The following ELP4 variants were observed in gnomAD, a reference collection of about 807,000 sequenced individuals.
ELP4 encodes elongator complex protein 4.
A neutral mutation model predicts 48.9 loss-of-function variants in ELP4; 51 were observed. The ratio of observed to expected loss-of-function variants is 1.04; its 90% CI spans 0.83 to 1.32. The LOEUF (loss-of-function observed/expected upper bound fraction) is 1.32, where lower values mean the gene tolerates loss of function less well. ELP4 is among the 40% of genes most tolerant of loss of function. ELP4 has a pLI of 0.00. For missense variants in ELP4, 519 were observed against 514.6 expected, an observed-to-expected ratio of 1.01 and a Z score of -0.08; for synonymous variants, 210 against 189.2, an observed-to-expected ratio of 1.11 and a Z score of -0.90.
At chr11:31,667,834 T>G (rs7935213) in intron 9 of ELP4, among the ~76,000 whole-genome samples, 96,517 of 152,012 alleles carry the variant, frequency 0.63, 33,095 homozygotes, top group Non-Finnish European at 0.76. Context: ...CTCGTGCTAC[T>G]CAGACTGGAT....
chr11:31,547,213 G>C (rs1956744363), intron 3 of ELP4, among the ~76,000 whole-genome samples: 1 of 151,828 alleles, frequency 6.6e-6, no homozygotes, highest in African/African-American at 2.4e-5. Context: ...TTTTTGAAAG[G>C]ATCAACAAAA....
intron 9 of ELP4, among the ~76,000 whole-genome samples, chr11:31,712,897 C>G (rs1396187270): frequency 6.6e-6 from 1 of 152,088 alleles, no homozygotes; most frequent in Non-Finnish European, 1.5e-5. Context: ...CTTATTCCAC[C>G]TTGCCTGAAT....
At chr11:31,683,918 G>A (rs954832617) in intron 9 of ELP4, among the ~76,000 whole-genome samples, 23 of 152,084 alleles carry the variant, frequency 1.5e-4, no homozygotes, top group African/African-American at 4.8e-4. Flanking sequence ...AACATTACTG[G>A]ATGAACTTTT....
At position 31,533,368 on chromosome 11, in the gene ELP4, CTTTT is replaced by C. The variant is rs71060492; in HGVS notation, c.260-6270_260-6267del. Among the ~76,000 whole-genome samples, 52 of 50,466 alleles carry C rather than the reference CTTTT, an allele frequency of 1.0e-3. No homozygotes were observed. In the East Asian group the frequency reaches 0.011, roughly 11 times the overall value. The allele number at this position is 50,466 out of a possible 152,430, so 33.1% of individuals were successfully genotyped here. A position where few individuals can be genotyped will look rare whatever the true frequency, so the allele number is the denominator to read the frequency against. On this transcript the variant is annotated intron_variant, in intron 2 of 9. Coordinates refer to ENST00000640961, the MANE Select transcript of ELP4 (RefSeq NM_019040.5). ...GTGTTGCTGCAAAAGCCATCTCATT[CTTTT>C]TTTTTTTTTTTTTTTTTTTTTTTGT...
chr11:31,716,426 C>A (rs1324951256), intron 9 of ELP4, among the ~76,000 whole-genome samples: 1 of 152,096 alleles, frequency 6.6e-6, no homozygotes, highest in Admixed American at 6.6e-5. Flanking sequence ...TTTGTCTATG[C>A]CTCAGTTTTC....
intron 9 of ELP4, among the ~76,000 whole-genome samples, chr11:31,689,994 G>A (rs1946242878): frequency 6.6e-6 from 1 of 152,072 alleles, no homozygotes; most frequent in African/African-American, 2.4e-5. Flanking sequence ...CTGTGAAATG[G>A]AACCAAAATT....
chr11:31,763,286 G>C, intron 9 of ELP4: 1 of 805,644 alleles, frequency 1.2e-6, no homozygotes, highest in South Asian at 2.7e-5. Flanking sequence ...TGAGTTCACT[G>C]TGCTTTTAAA....
chr11:31,597,564 C>T (rs1168230367), intron 4 of ELP4, among the ~76,000 whole-genome samples: 1 of 151,252 alleles, frequency 6.6e-6, no homozygotes, highest in African/African-American at 2.4e-5. Context: ...TCTAATTTTT[C>T]TATTGCTGTG....
Position 31,647,275 on chromosome 11 carries a change from C to T in ELP4, c.928-466C>T, listed in dbSNP as rs191277082. 3.3e-5 allele frequency: 5 copies of T among 153,544 alleles called. No homozygotes were observed. The East Asian group carries it at 7.7e-4, about 24-fold the overall frequency. The allele number at this position is 153,544 out of a possible 1,614,324, so 9.5% of individuals were successfully genotyped here. On this transcript the variant is annotated intron_variant, in intron 7 of 9. Coordinates refer to ENST00000640961, the MANE Select transcript of ELP4 (RefSeq NM_019040.5). ...ACCTCAGCTGTTATAGGGCTGGGAC[C>T]TTGTCCCAGCTGACAGACGACAGTG...
intron 8 of ELP4, 183 bp from the exon 9 acceptor site, chr11:31,649,932 A>G: frequency 2.4e-6 from 1 of 417,148 alleles, no homozygotes; most frequent in Non-Finnish European, 4.3e-6. Context: ...TGTTTATCTT[A>G]TTCTGCTTGA....
At chr11:31,718,743 T>C (rs944972112) in intron 9 of ELP4, among the ~76,000 whole-genome samples, 5 of 152,200 alleles carry the variant, frequency 3.3e-5, no homozygotes, top group African/African-American at 1.2e-4. Context: ...GATGGCAGCT[T>C]AGGCTCCAAA....
At chr11:31,527,564 T>C (rs1351059295) in intron 2 of ELP4, among the ~76,000 whole-genome samples, 2 of 152,094 alleles carry the variant, frequency 1.3e-5, no homozygotes, top group African/African-American at 4.8e-5. Context: ...TACGCTTGTC[T>C]CTCATACATC....
Position 31,655,142 on chromosome 11 carries a change from C to A in ELP4, c.1143+4921C>A, listed in dbSNP as rs148131168. Among the ~76,000 whole-genome samples, 10 of 151,986 alleles carry A rather than the reference C, an allele frequency of 6.6e-5. 1 individual carries two copies. The highest frequency in any genetic ancestry group is 2.4e-4 in the African/African-American group (10 of 41,482). ...TTACATGTGTACATTTTGATATATT[C>A]ATTATATTATCATTCTCATGTTTAT... is the stretch of plus-strand genomic sequence containing the variant. On this transcript the variant is annotated intron_variant, in intron 9 of 9. Coordinates refer to ENST00000640961, the MANE Select transcript of ELP4 (RefSeq NM_019040.5).
intron 3 of ELP4, among the ~76,000 whole-genome samples, chr11:31,562,869 T>C (rs1264717900): frequency 6.6e-6 from 1 of 152,054 alleles, no homozygotes; most frequent in Non-Finnish European, 1.5e-5. Context: ...ACAGCCAAAG[T>C]CACCCCTCCC....
At chr11:31,763,478 A>G (rs1180014973) in intron 9 of ELP4, 1 of 1,611,254 alleles carries the variant, frequency 6.2e-7, no homozygotes, top group Non-Finnish European at 8.5e-7. Flanking sequence ...TACTTACTCA[A>G]GCAGAAAGAC....
At chr11:31,533,975 A>G (rs1956453719) in intron 2 of ELP4, among the ~76,000 whole-genome samples, 1 of 152,038 alleles carries the variant, frequency 6.6e-6, no homozygotes, top group African/African-American at 2.4e-5. Flanking sequence ...AGCTGGGACT[A>G]CAGGCTCCCG....
rs528472605 is a variant in ELP4, at chr11:31,612,678, G to A, written c.653+8771G>A. On this transcript the variant is annotated intron_variant, in intron 5 of 9. Transcript: ENST00000640961. ...TAGATTTACTAATCTTAATAGTGGAGGTAAATGAAGAAAGCAAGCTACTAA... is the reference window on the plus strand; with the variant it reads ...TAGATTTACTAATCTTAATAGTGGAAGTAAATGAAGAAAGCAAGCTACTAA... 4.6e-5 allele frequency among the ~76,000 whole-genome samples: 7 copies of A among 152,290 alleles called. 1 individual carries two copies. In the South Asian group the frequency reaches 1.5e-3, roughly 32 times the overall value.
Position 31,790,095 on chromosome 11 carries a change from T to TAAAAA in ELP4, c.*6572_*6573insAAAAA. On this transcript the variant is annotated 3_prime_UTR_variant, in exon 10 of 10. Transcript: ENST00000640961. ...GACATGGAATACAAATTTATAGGTT[T>TAAAAA]ACAAAAAAAAAAAAAAAAAAAAAAA... The TAAAAA allele has an allele frequency of 2.3e-4, 14 of 61,186 alleles. No homozygotes were observed. Among genetic ancestry groups the TAAAAA allele is most frequent in the South Asian group, 6.5e-4 (1 of 1,546 alleles). The allele number at this position is 61,186 out of a possible 1,614,324, so 3.8% of individuals were successfully genotyped here. A position where few individuals can be genotyped will look rare whatever the true frequency, so the allele number is the denominator to read the frequency against.
In ELP4 at chr11:31,679,585, C is replaced by A. The variant is rs553229348; in HGVS notation, c.1143+29364C>A. Among the ~76,000 whole-genome samples, 597 of 152,088 alleles carry A rather than the reference C, an allele frequency of 3.9e-3. 5 individuals are homozygous for A. The highest frequency in any genetic ancestry group is 0.014 in the African/African-American group (570 of 41,492). ...CCAGTCATATTGGATTAGGACACACCCTAAAGACATCATTTTAACTTAATT... is the reference window on the plus strand; with the variant it reads ...CCAGTCATATTGGATTAGGACACACACTAAAGACATCATTTTAACTTAATT... On this transcript the variant is annotated intron_variant, in intron 9 of 9. Transcript: ENST00000640961.
Sources: gnomAD v4.1 joint callset for allele counts (sites outside exome capture counted in the v4.1 genomes callset) on GRCh38, gnomAD v4.1.1 for gene constraint, MANE v1.5 for transcripts, NCBI Gene and HGNC (gene_info 2026-07-23, HGNC 2026-07-21) for gene names.